AKAP17A: variants seen among roughly 807,000 people sequenced by gnomAD.
AKAP17A encodes the protein A-kinase anchoring protein 17A, also known as A-kinase anchor protein 17A.
In AKAP17A, 15 loss-of-function variants were observed where a neutral mutation model predicts 52.2. The ratio of observed to expected loss-of-function variants is 0.29; its 90% CI spans 0.19 to 0.44. The LOEUF (loss-of-function observed/expected upper bound fraction) is 0.44, where lower values mean the gene tolerates loss of function less well. Among genes scored for constraint, AKAP17A ranks in the 20% least tolerant of loss-of-function variants. The pLI is 1.00. For missense variants in AKAP17A, 1,060 were observed against 1,007.0 expected (o/e 1.05, Z -0.71); for synonymous variants, 514 against 424.7 (o/e 1.21, Z -2.58).
At position 1,600,856 on chromosome X, in the gene AKAP17A, C is replaced by A. The variant is rs747282899; in HGVS notation, c.1350C>A (p.Ser450Arg). Reference protein sequence around the residue: ...SILLSKKPDDSHTHDELGVAH... With the variant: ...SILLSKKPDDRHTHDELGVAH... ...TGCTGAGCAAGAAGCCGGACGACAG[C>A]CACACACACGACGAGCTGGGCGTGG... The change falls in exon 5 of 5, where the codon AGC (serine) becomes AGA (arginine). Residue 450 changes from serine to arginine, a missense_variant. Transcript: ENST00000313871. 1.6e-4 allele frequency: 252 copies of A among 1,591,198 alleles called. No homozygotes were observed. The highest frequency in any genetic ancestry group is 8.7e-4 in the Middle Eastern group (5 of 5,776).
intron 4 of AKAP17A, chrX:1,599,850 G>A: frequency 6.7e-6 from 4 of 593,650 alleles, no homozygotes; most frequent in South Asian, 6.0e-5. Flanking sequence ...TGGGCTGGGG[G>A]GAGGGCTGAG....
At chrX:1,599,887 C>T (rs1429351284) in intron 4 of AKAP17A, 3 of 568,622 alleles carry the variant, frequency 5.3e-6, no homozygotes, top group East Asian at 3.0e-5. Flanking sequence ...GCCGTGGGCC[C>T]GGGTCCCTCC....
chrX:1,600,071 C>T lies in AKAP17A; in HGVS notation c.1153-588C>T, dbSNP rs1158820639. Reference sequence around the variant, plus strand: ...AGACGTCCCCGGCACGCTCCTTGTCCTCAGGAGGGCTGCGTCCCCCTGGAG... The same window carrying T: ...AGACGTCCCCGGCACGCTCCTTGTCTTCAGGAGGGCTGCGTCCCCCTGGAG... On this transcript the variant is annotated intron_variant, in intron 4 of 4. Coordinates refer to ENST00000313871, the MANE Select transcript of AKAP17A (RefSeq NM_005088.3). The T allele has an allele frequency of 8.9e-6, 9 of 1,005,802 alleles. No homozygotes were observed. The Admixed American group carries it at 1.1e-4, about 13-fold the overall frequency. 62.3% of individuals were successfully genotyped at this position (1,005,802 alleles called of 1,614,324 possible).
In AKAP17A at chrX:1,593,837, C is replaced by T. The variant is rs200292371; in HGVS notation, c.375C>T (p.His125=). ...TCAAGATCGACTTCCCCACCCGCCA[C>T]GACTGGGACTCCTTCTTCCGCGACG... ...AEFKIDFPTR[H]DWDSFFRDAK... The change falls in exon 2 of 5, where the codon CAC becomes CAT. Residue 125 remains histidine, a synonymous_variant. Transcript: ENST00000313871. 1.2e-5 allele frequency: 20 copies of T among 1,612,478 alleles called. No homozygotes were observed. The highest frequency in any genetic ancestry group is 1.7e-4 in the Middle Eastern group (1 of 6,050).
At chrX:1,599,972 C>T in intron 4 of AKAP17A, 1 of 467,224 alleles carries the variant, frequency 2.1e-6, no homozygotes, top group Non-Finnish European at 4.0e-6. Flanking sequence ...CCTCCCTGCT[C>T]CTCCTGCAGG....
At position 1,600,368 on chromosome X, in the gene AKAP17A, C is replaced by T. The variant is rs1213708097; in HGVS notation, c.1153-291C>T. Reference sequence around the variant, plus strand: ...ACGTGGTGGGGCTCCCGGCAGGGCTCGGCTCTGCCCAAGAGGCCCGCCCTG... The same window carrying T: ...ACGTGGTGGGGCTCCCGGCAGGGCTTGGCTCTGCCCAAGAGGCCCGCCCTG... On this transcript the variant is annotated intron_variant, in intron 4 of 4. Coordinates refer to ENST00000313871, the MANE Select transcript of AKAP17A (RefSeq NM_005088.3). The T allele has an allele frequency of 2.6e-3, 1,627 of 636,874 alleles. 28 individuals carry two copies. Among genetic ancestry groups the T allele is most frequent in the Middle Eastern group, 8.9e-4 (2 of 2,252 alleles). 39.5% of individuals were successfully genotyped at this position (636,874 alleles called of 1,614,324 possible). A position where few individuals can be genotyped will look rare whatever the true frequency, so the allele number is the denominator to read the frequency against.
chrX:1,595,625 CGTGT>C (rs1211563410), intron 3 of AKAP17A, 93 bp downstream of exon 3: 6 of 1,559,624 alleles, frequency 3.8e-6, no homozygotes, highest in Non-Finnish European at 4.4e-6. Flanking sequence ...TATTCCTGTG[CGTGT>C]GTGTGTGCAT....
At chrX:1,595,761 GTGTGCC>G (rs1357506371) in intron 3 of AKAP17A, among the ~76,000 whole-genome samples, 1 of 152,018 alleles carries the variant, frequency 6.6e-6, no homozygotes, top group Non-Finnish European at 1.5e-5. Context: ...CTGTGTGCAC[GTGTGCC>G]TGTGTGTGCG....
intron 4 of AKAP17A, chrX:1,599,925 C>T (rs1933262538): frequency 3.8e-6 from 2 of 519,740 alleles, no homozygotes; most frequent in African/African-American, 1.9e-5. Flanking sequence ...ACAGGTCTCA[C>T]CAGCGCCGGT....
chrX:1,597,173 C>T (rs192662055), intron 3 of AKAP17A, among the ~76,000 whole-genome samples: 106 of 151,674 alleles, frequency 7.0e-4, no homozygotes, highest in African/African-American at 2.5e-3. Flanking sequence ...GCACGAGAGT[C>T]CCGGCACTGA....
At chrX:1,595,737 G>T (rs1932944108) in intron 3 of AKAP17A, among the ~76,000 whole-genome samples, 1 of 152,238 alleles carries the variant, frequency 6.6e-6, no homozygotes, top group Non-Finnish European at 1.5e-5. Flanking sequence ...GCGCCCGAGT[G>T]TGTGCCTGAG....
intron 3 of AKAP17A, among the ~76,000 whole-genome samples, chrX:1,597,204 C>A (rs1219269952): frequency 6.6e-6 from 1 of 152,304 alleles, no homozygotes; most frequent in African/African-American, 2.4e-5. Context: ...GCAGGTCCAT[C>A]CTGCCCGTGG....
At chrX:1,597,837 G>T (rs1184347524) in intron 3 of AKAP17A, among the ~76,000 whole-genome samples, 2 of 152,098 alleles carry the variant, frequency 1.3e-5, no homozygotes, top group African/African-American at 4.8e-5. Flanking sequence ...GCGGGGCCGG[G>T]CCATGAGGTT....
chrX:1,595,301 C>T, intron 2 of AKAP17A, 83 bp from the exon 3 acceptor site: 2 of 1,584,326 alleles, frequency 1.3e-6, no homozygotes. Flanking sequence ...GCCACTCGGC[C>T]CTACGGCCCA....
rs773110928 is a variant in AKAP17A at position 1,601,025 on chromosome X, G to A, written c.1519G>A (p.Gly507Ser). 17 of 1,611,064 alleles carry A rather than the reference G, an allele frequency of 1.1e-5. No individual in the cohort carries two copies. The highest frequency in any genetic ancestry group is 1.8e-4 in the Middle Eastern group (1 of 5,468). ...KESPAHPEAD[G>S]APKSVNGSVA... The stretch of plus-strand genomic sequence containing the variant: ...GAGCCCGGCCCACCCAGAGGCCGAC[G>A]GCGCTCCCAAAAGCGTGAACGGGAG... Residue 507 changes from glycine (G) to serine (S), a missense_variant, in exon 5 of 5, where the codon GGC becomes AGC. By Grantham distance (56) the Gly-to-Ser change is moderately conservative. Transcript: ENST00000313871.
intron 3 of AKAP17A, among the ~76,000 whole-genome samples, chrX:1,598,733 T>C (rs1168657017): frequency 3.9e-5 from 6 of 152,140 alleles, no homozygotes; most frequent in Non-Finnish European, 8.8e-5. Context: ...CCCGTGCCAG[T>C]GCTGTGTGGT....
intron 3 of AKAP17A, among the ~76,000 whole-genome samples, chrX:1,597,522 A>T (rs1274269410): frequency 6.6e-6 from 1 of 152,082 alleles, no homozygotes; most frequent in Non-Finnish European, 1.5e-5. Context: ...CAGGCCGAGC[A>T]GGACAGCTGG....
intron 2 of AKAP17A, among the ~76,000 whole-genome samples, chrX:1,594,680 G>A (rs1447136936): frequency 5.3e-5 from 8 of 151,406 alleles, no homozygotes; most frequent in East Asian, 1.9e-4. Context: ...GTGCAGTGGC[G>A]CAATCTTTGC....
Position 1,593,546 on chromosome X carries a change from C to G in AKAP17A, c.84C>G (p.Thr28=). ...PAYGLYLKPI[T]KMTISVALPQ... ...ACGGCTTGTACCTGAAGCCCATCAC[C>G]AAGATGACCATCAGCGTGGCACTCC... The change falls in exon 2 of 5, where the codon ACC becomes ACG. Residue 28 remains threonine, a synonymous_variant. Coordinates refer to ENST00000313871, the MANE Select transcript of AKAP17A (RefSeq NM_005088.3). 6 of 1,613,738 alleles carry G rather than the reference C, an allele frequency of 3.7e-6. No homozygotes were observed. In the East Asian group the frequency reaches 6.7e-5, roughly 18 times the overall value.
Sources: allele counts gnomAD v4.1 joint callset (sites outside exome capture counted in the v4.1 genomes callset), GRCh38; gene constraint gnomAD v4.1.1; transcripts MANE v1.5; gene names NCBI Gene and HGNC (gene_info 2026-07-23, HGNC 2026-07-21).